The following CASP6 variants were observed in gnomAD, a reference collection of about 807,000 sequenced individuals.
CASP6 encodes the protein caspase-6.
In CASP6, 20 loss-of-function variants were observed where a neutral mutation model predicts 31.8. The ratio of observed to expected loss-of-function variants is 0.63; its 90% confidence interval spans 0.44 to 0.91. CASP6 has a LOEUF of 0.91. Among genes scored for constraint, CASP6 ranks in the 40% least tolerant of loss-of-function variants. The pLI is 0.00. For missense variants in CASP6, 328 were observed against 361.1 expected (o/e 0.91, Z 0.74); for synonymous variants, 130 against 127.8 (o/e 1.02, Z -0.12).
At chr4:109,689,678 TA>T (rs1729972896) in intron 6 of CASP6, 110 bp from the exon 7 acceptor site, 5 of 960,702 alleles carry the variant, frequency 5.2e-6, no homozygotes, top group Non-Finnish European at 7.9e-6. Flanking sequence ...AGAAGAGTCT[TA>T]AGATGTGTCC....
the CASP6 span, among the ~76,000 whole-genome samples, chr4:109,680,460 A>T: frequency 2.8e-4 from 43 of 152,096 alleles, no homozygotes; most frequent in African/African-American, 1.0e-3. Context: ...ACCCTATTGC[A>T]ATAGTTATTA....
upstream of CASP6, chr4:109,703,624 G>C: frequency 1.7e-6 from 1 of 578,496 alleles, no homozygotes; most frequent in Non-Finnish European, 3.0e-6. Flanking sequence ...CAAGAGCGCG[G>C]GGGCAGGGAG....
At chr4:109,687,205 AAAT>A (rs1262233567), downstream of CASP6, among the ~76,000 whole-genome samples, 2 of 152,094 alleles carry the variant, frequency 1.3e-5, no homozygotes, top group East Asian at 3.9e-4. Flanking sequence ...AAATACCAAA[AAAT>A]ATTAGGTGGG....
the CASP6 span, among the ~76,000 whole-genome samples, chr4:109,679,241 G>A: frequency 1.8e-3 from 270 of 152,334 alleles, 1 homozygote; most frequent in African/African-American, 5.9e-3. Context: ...CTTCCTAGAC[G>A]GGGTGGCGGC....
intron 4 of CASP6, among the ~76,000 whole-genome samples, chr4:109,694,990 C>A (rs1169287282): frequency 6.6e-6 from 1 of 152,106 alleles, no homozygotes; most frequent in Non-Finnish European, 1.5e-5. Context: ...GAAACCATAT[C>A]CAGCTAATTT....
the CASP6 span, among the ~76,000 whole-genome samples, chr4:109,674,542 A>T: frequency 0.023 from 3,545 of 152,316 alleles, 54 homozygotes; most frequent in Non-Finnish European, 0.034. Context: ...TGTTTTGTGG[A>T]CTGGCTGACT....
chr4:109,706,134 TATA>T (rs1730608302), upstream of CASP6, among the ~76,000 whole-genome samples: 2 of 19,218 alleles, frequency 1.0e-4, no homozygotes, highest in South Asian at 1.6e-3. Flanking sequence ...ATCCATTTTA[TATA>T]TATATATATA....
the CASP6 span, among the ~76,000 whole-genome samples, chr4:109,665,029 T>C: frequency 1.3e-5 from 2 of 152,218 alleles, no homozygotes; most frequent in Non-Finnish European, 2.9e-5. Context: ...ATATGCTCTC[T>C]GCACCCCACG....
downstream of CASP6, chr4:109,684,583 T>C: frequency 6.2e-7 from 1 of 1,605,250 alleles, no homozygotes. Flanking sequence ...TGGAGCCAGT[T>C]ACATACTTCA....
At chr4:109,705,774 A>T (rs1730580321), upstream of CASP6, among the ~76,000 whole-genome samples, 1 of 150,814 alleles carries the variant, frequency 6.6e-6, no homozygotes, top group African/African-American at 2.4e-5. Context: ...AGGAGTTTTG[A>T]GACCAGCCTA....
chr4:109,698,712 GAATT>G (rs1561262365), intron 1 of CASP6, among the ~76,000 whole-genome samples: 5 of 152,202 alleles, frequency 3.3e-5, no homozygotes, highest in African/African-American at 1.2e-4. Context: ...TTCTGAAAAA[GAATT>G]AAGTCCTACA....
the CASP6 span, among the ~76,000 whole-genome samples, chr4:109,665,827 G>A: frequency 1.6e-4 from 25 of 151,954 alleles, no homozygotes; most frequent in African/African-American, 4.6e-4. Flanking sequence ...GGGTGGGGGC[G>A]CATGGTAGTA....
At chr4:109,687,075 C>A (rs1339472559), downstream of CASP6, among the ~76,000 whole-genome samples, 1 of 151,700 alleles carries the variant, frequency 6.6e-6, no homozygotes, top group Non-Finnish European at 1.5e-5. Flanking sequence ...TTAAAAAGAT[C>A]CACATATAAA....
intron 3 of CASP6, among the ~76,000 whole-genome samples, chr4:109,696,943 G>A (rs1480687170): frequency 2.0e-5 from 3 of 151,692 alleles, no homozygotes; most frequent in African/African-American, 7.3e-5. Flanking sequence ...CCACCACCAC[G>A]CCCGGCTAAT....
Position 109,690,998 on chromosome 4 carries a change from T to C in CASP6, c.495A>G (p.Gly165=). Residue 165 remains glycine (G), a synonymous_variant, in exon 6 of 7, where the codon GGA becomes GGG. Coordinates refer to ENST00000265164, the MANE Select transcript of CASP6 (RefSeq NM_001226.4). ...PKIFIIQACR[G]NQHDVPVIPL... is the part of the protein sequence containing the mutation. Reference sequence around the variant, plus strand: ...GAATGACTGGCACATCGTGCTGGTTTCCCCGACATGCCTACAAGACAAGGA... The same window carrying C: ...GAATGACTGGCACATCGTGCTGGTTCCCCCGACATGCCTACAAGACAAGGA... The C allele has an allele frequency of 6.2e-7, 1 of 1,611,148 alleles. No individual in the cohort carries two copies. The highest frequency in any genetic ancestry group is 8.5e-7 in the Non-Finnish European group (1 of 1,178,730).
At position 109,703,428 on chromosome 4, in the gene CASP6, T is replaced by C. The variant is rs753588859; in HGVS notation, c.-33A>G. 2 of 1,607,850 alleles carry C rather than the reference T, an allele frequency of 1.2e-6. No individual in the cohort carries two copies. Among genetic ancestry groups the C allele is most frequent in the South Asian group, 1.1e-5 (1 of 89,836 alleles). ...AAACGCGCAGCCAGACACCTTGCCC[T>C]CCTCTTCCTGAAGCCACAGGCTCCC... On this transcript the variant is annotated 5_prime_UTR_variant, in exon 1 of 7. Coordinates refer to ENST00000265164, the MANE Select transcript of CASP6 (RefSeq NM_001226.4).
the CASP6 span, among the ~76,000 whole-genome samples, chr4:109,665,500 AC>A: frequency 3.3e-5 from 5 of 152,292 alleles, no homozygotes; most frequent in African/African-American, 1.2e-4. Context: ...ACCAAACTCT[AC>A]CAAAATTCAA....
chr4:109,682,475 T>C, the CASP6 span: 4 of 876,882 alleles, frequency 4.6e-6, no homozygotes, highest in Non-Finnish European at 7.2e-6. Flanking sequence ...TTCCTTACCC[T>C]GTGGATCCTA....
upstream of CASP6, chr4:109,703,549 C>G (rs910064165): frequency 6.3e-6 from 6 of 949,452 alleles, no homozygotes; most frequent in East Asian, 8.3e-5. Flanking sequence ...CCCGGGCTCC[C>G]GTGGATCGGG....
Sources: gnomAD v4.1 joint callset for allele counts (sites outside exome capture counted in the v4.1 genomes callset) on GRCh38, gnomAD v4.1.1 for gene constraint, MANE v1.5 for transcripts, NCBI Gene and HGNC (gene_info 2026-07-23, HGNC 2026-07-21) for gene names.